Variants in FAT2 observed in about 807,000 individuals in gnomAD.
The protein encoded by FAT2 is FAT atypical cadherin 2.
In FAT2, 150 loss-of-function variants were observed where a neutral mutation model predicts 295.3. That is an observed-to-expected ratio of 0.51 (90% CI 0.44 to 0.58). FAT2 has a LOEUF of 0.58. FAT2 is among the 20% of genes least tolerant of loss of function. FAT2 has a pLI of 0.00. For synonymous variants in FAT2, 2,026 were observed against 2,150.3 expected (o/e 0.94, Z 1.60); for missense variants, 4,868 against 5,442.7 (o/e 0.89, Z 3.32).
At chr5:151,539,463 T>C (rs897034110) in intron 11 of FAT2, among the ~76,000 whole-genome samples, 4 of 152,230 alleles carry the variant, frequency 2.6e-5, no homozygotes, top group African/African-American at 9.7e-5. Flanking sequence ...TTGATTGTGC[T>C]AGGTATATAG....
chr5:151,571,887 G>T (rs932241385), intron 1 of FAT2, among the ~76,000 whole-genome samples: 3 of 152,128 alleles, frequency 2.0e-5, no homozygotes, highest in African/African-American at 7.2e-5. Context: ...GAAACTCCTT[G>T]CCCTGGCCTA....
At chr5:151,570,429 A>T (rs962968525) in intron 1 of FAT2, among the ~76,000 whole-genome samples, 1 of 152,252 alleles carries the variant, frequency 6.6e-6, no homozygotes, top group Non-Finnish European at 1.5e-5. Context: ...CAAGTCACAC[A>T]GTGTGTGGCC....
Position 151,531,970 on chromosome 5 carries a change from C to G in FAT2, c.9428G>C (p.Gly3143Ala), listed in dbSNP as rs2127592011. The change falls in exon 14 of 24, where the codon GGC (glycine) becomes GCC (alanine). Residue 3143 changes from glycine to alanine, a missense_variant and splice_region_variant. This residue lies in a region of FAT2 where 1,046 missense variants were observed against 1,210.1 expected (regional missense o/e 0.86). Transcript: ENST00000261800. The surrounding 1 kb of genome is among the most constrained non-coding windows in gnomAD (Gnocchi z 5.7). ...AVVFARDPDQ[G>A]ANAQVVYSLP... ...AGAGTAAACCACCTGGGCATTGGCGCCTGGCAGGGAGACCAAGGGTGTGAT... is the reference window on the plus strand; with the variant it reads ...AGAGTAAACCACCTGGGCATTGGCGGCTGGCAGGGAGACCAAGGGTGTGAT... 6.2e-7 allele frequency: 1 copy of G among 1,613,958 alleles called. No homozygotes were observed. The highest frequency in any genetic ancestry group is 8.5e-7 in the Non-Finnish European group (1 of 1,179,942).
chr5:151,564,041 G>A (rs909774597), intron 2 of FAT2, among the ~76,000 whole-genome samples: 2 of 152,148 alleles, frequency 1.3e-5, no homozygotes, highest in Admixed American at 6.5e-5. Context: ...TTATGTCCTG[G>A]TAGATAATCA....
chr5:151,583,103 G>A (rs1349229795), intron 1 of FAT2, among the ~76,000 whole-genome samples: 1 of 152,124 alleles, frequency 6.6e-6, no homozygotes, highest in Non-Finnish European at 1.5e-5. Context: ...TGAACCCTGG[G>A]AAGCCATGTT....
At chr5:151,513,517 C>G (rs1195096859) in intron 20 of FAT2, among the ~76,000 whole-genome samples, 1 of 152,182 alleles carries the variant, frequency 6.6e-6, no homozygotes, top group East Asian at 1.9e-4. Context: ...ACCACATGTT[C>G]TCACTTACAA....
chr5:151,546,103 A>G lies in FAT2; in HGVS notation c.5024T>C (p.Val1675Ala). Residue 1675 changes from valine (V) to alanine (A), a missense_variant, in exon 10 of 24, where the codon GTT (valine) becomes GCT (alanine). Val to Ala is a moderately conservative substitution (Grantham distance 64). Transcript: ENST00000261800. The stretch of plus-strand genomic sequence containing the variant: ...AGAGACAAGGAGGATTGGGGAACCA[A>G]CAGGGATTGATTCAGGGATCTCTAC... ...YFVEIPESIP[V>A]GSPILLVSAM... is the part of the protein sequence containing the mutation. The G allele has an allele frequency of 6.2e-7, 1 of 1,614,192 alleles. No individual in the cohort carries two copies. Among genetic ancestry groups the G allele is most frequent in the Non-Finnish European group, 8.5e-7 (1 of 1,180,042 alleles).
rs2127641497 is a variant in FAT2, at chr5:151,563,362, C to T, written c.3537G>A (p.Gly1179=). 1 of 1,614,156 alleles carries T rather than the reference C, an allele frequency of 6.2e-7. No homozygotes were observed. The change falls in exon 3 of 24, where the codon GGG becomes GGA. Residue 1179 remains glycine (G), a synonymous_variant. Coordinates refer to ENST00000261800, the MANE Select transcript of FAT2 (RefSeq NM_001447.3). The part of the protein sequence containing the change: ...KGKLTFNITS[G]NYMGFFMIHP... The stretch of plus-strand genomic sequence containing the variant: ...GAATCATAAAGAATCCCATGTAGTT[C>T]CCACTGGTGATGTTGAAGGTCAGCT...
intron 20 of FAT2, among the ~76,000 whole-genome samples, chr5:151,515,691 T>C (rs942656985): frequency 6.6e-6 from 1 of 152,208 alleles, no homozygotes; most frequent in African/African-American, 2.4e-5. Context: ...AAAATCTTTG[T>C]AGAATCTATC....
At position 151,567,174 on chromosome 5, in the gene FAT2, C is replaced by T. The variant is rs1758311707; in HGVS notation, c.1758G>A (p.Met586Ile). Residue 586 changes from methionine (M) to isoleucine (I), a missense_variant, in exon 2 of 24, where the codon ATG becomes ATA. Transcript: ENST00000261800. ...DWPVGKSIMT[M>I]SAIDVDELQN... is the part of the protein sequence containing the mutation. ...GAAGCTCATCCACATCTATGGCTGA[C>T]ATAGTCATTATCGATTTCCCTACTG... The T allele has an allele frequency of 2.5e-6, 4 of 1,614,070 alleles. No homozygotes were observed. In the South Asian group the frequency reaches 4.4e-5, roughly 18 times the overall value.
chr5:151,518,786 CT>C (rs907865409), intron 19 of FAT2, among the ~76,000 whole-genome samples: 1 of 152,204 alleles, frequency 6.6e-6, no homozygotes, highest in African/African-American at 2.4e-5. Context: ...ATGTGGACCA[CT>C]CTTGGGAATA....
upstream of FAT2, among the ~76,000 whole-genome samples, chr5:151,594,126 G>T (rs1236034344): frequency 6.6e-6 from 1 of 152,200 alleles, no homozygotes; most frequent in Non-Finnish European, 1.5e-5. Context: ...TTCAGATGAA[G>T]AAACTGAAGC....
chr5:151,559,232 C>T (rs1044133079), intron 3 of FAT2, among the ~76,000 whole-genome samples: 3 of 152,200 alleles, frequency 2.0e-5, no homozygotes, highest in Non-Finnish European at 4.4e-5. Context: ...TGCAGTTGAA[C>T]GCAAGTCATT....
intron 13 of FAT2, among the ~76,000 whole-genome samples, chr5:151,533,393 AACACACACACACACACACAC>A (rs36215342): frequency 2.3e-5 from 3 of 132,176 alleles, no homozygotes; most frequent in African/African-American, 8.3e-5. Flanking sequence ...TGTTATCTCC[AACACACACACACACACACAC>A]ACACACACAC....
chr5:151,531,567 T>C lies in FAT2; in HGVS notation c.9811+20A>G. On this transcript the variant is annotated intron_variant, in intron 14 of 23. Coordinates refer to ENST00000261800, the MANE Select transcript of FAT2 (RefSeq NM_001447.3). This position sits in a 1 kb window ranked among gnomAD's most constrained non-coding sequence, Gnocchi z 5.7. ...AACCCTGTACGCGATGCTTTGGGGCTTGGTGGATCAGGCTCTCACCTGTGC... is the reference window on the plus strand; with the variant it reads ...AACCCTGTACGCGATGCTTTGGGGCCTGGTGGATCAGGCTCTCACCTGTGC... 6.2e-7 allele frequency: 1 copy of C among 1,611,536 alleles called. No individual in the cohort carries two copies. Among genetic ancestry groups the C allele is most frequent in the Non-Finnish European group, 8.5e-7 (1 of 1,179,684 alleles).
At chr5:151,555,650 A>T (rs1411501795) in intron 4 of FAT2, among the ~76,000 whole-genome samples, 2 of 152,186 alleles carry the variant, frequency 1.3e-5, no homozygotes, top group Non-Finnish European at 2.9e-5. Flanking sequence ...GATTACAGGC[A>T]TGAGCCACCG....
At chr5:151,591,381 CG>C (rs1394423785), upstream of FAT2, among the ~76,000 whole-genome samples, 1 of 152,068 alleles carries the variant, frequency 6.6e-6, no homozygotes, top group African/African-American at 2.4e-5. Context: ...AGAATTGAGG[CG>C]GATCATCCCC....
At chr5:151,510,420 G>T (rs1761231280) in intron 21 of FAT2, 1 of 430,684 alleles carries the variant, frequency 2.3e-6, no homozygotes, top group African/African-American at 2.0e-5. Context: ...TAATAAACAG[G>T]ATAACAACCA....
chr5:151,522,237 A>AC (rs398109549), intron 18 of FAT2, 151 bp from the exon 19 acceptor site: 2 of 606,588 alleles, frequency 3.3e-6, no homozygotes, highest in South Asian at 5.2e-5. Flanking sequence ...GAAAAAAAAA[A>AC]CCTAACTCCA....
Sources: allele counts gnomAD v4.1 joint callset (sites outside exome capture counted in the v4.1 genomes callset), GRCh38; gene constraint gnomAD v4.1.1; regional missense constraint gnomAD v4.1.1; non-coding constraint Gnocchi (gnomAD v3.1); transcripts MANE v1.5; gene names NCBI Gene and HGNC (gene_info 2026-07-23, HGNC 2026-07-21).